TRIM33: variants seen among roughly 807,000 people sequenced by gnomAD.
TRIM33 encodes the protein tripartite motif containing 33.
In TRIM33, 20 loss-of-function variants were observed where a neutral mutation model predicts 125.4. The observed-to-expected ratio is 0.16, with a 90% CI of 0.11 to 0.23. The LOEUF (loss-of-function observed/expected upper bound fraction) is 0.23, where lower values mean the gene tolerates loss of function less well. TRIM33 is among the 10% of genes least tolerant of loss of function. TRIM33 has a pLI of 1.00. For synonymous variants in TRIM33, 564 were observed against 513.9 expected (o/e 1.10, Z -1.32); for missense variants, 920 against 1,411.4 (o/e 0.65, Z 5.58).
intron 1 of TRIM33, among the ~76,000 whole-genome samples, chr1:114,477,604 C>G (rs1045263182): frequency 1.3e-5 from 2 of 152,184 alleles, no homozygotes; most frequent in Admixed American, 6.5e-5. Context: ...GTGACACACA[C>G]TAAGTGCTCA....
chr1:114,424,726 C>A lies in TRIM33; in HGVS notation c.1725G>T (p.Met575Ile), dbSNP rs771084521. ...QPPRLISVQT[M>I]QRGNMNCGAF... Reference sequence around the variant, plus strand: ...CTCCACAGTTCATGTTGCCTCTTTGCATTGTTTGCACACTGATCAATCGAG... The same window carrying A: ...CTCCACAGTTCATGTTGCCTCTTTGAATTGTTTGCACACTGATCAATCGAG... Residue 575 changes from methionine to isoleucine, a missense_variant, in exon 10 of 20, where the codon ATG becomes ATT. By Grantham distance (10) the Met-to-Ile change is conservative. Around this residue, in one of 8 missense-constraint regions of TRIM33, gnomAD observed 407 missense variants for 589.7 expected, o/e 0.69. Transcript: ENST00000358465. The A allele has an allele frequency of 6.2e-7, 1 of 1,604,450 alleles. No individual in the cohort carries two copies. The highest frequency in any genetic ancestry group is 8.5e-7 in the Non-Finnish European group (1 of 1,175,370).
At chr1:114,410,367 T>G (rs1440316133) in intron 11 of TRIM33, 51 bp from the exon 12 acceptor site, 6 of 1,551,488 alleles carry the variant, frequency 3.9e-6, no homozygotes, top group Non-Finnish European at 5.2e-6. Flanking sequence ...AGCAGAGAAG[T>G]TATTAATTTT....
chr1:114,445,305 A>G (rs1440047139), intron 4 of TRIM33, among the ~76,000 whole-genome samples: 1 of 152,148 alleles, frequency 6.6e-6, no homozygotes, highest in African/African-American at 2.4e-5. Flanking sequence ...TGGCATGATC[A>G]CAGCTCACTG....
chr1:114,445,083 G>C (rs545258179), intron 4 of TRIM33, among the ~76,000 whole-genome samples: 175 of 152,208 alleles, frequency 1.1e-3, no homozygotes, highest in African/African-American at 3.9e-3. Context: ...CTGAAGAAAG[G>C]GTATGTGACC....
intron 1 of TRIM33, among the ~76,000 whole-genome samples, chr1:114,503,012 A>G (rs543195183): frequency 6.6e-6 from 1 of 152,356 alleles, no homozygotes; most frequent in East Asian, 1.9e-4. Flanking sequence ...GGCTTCATAC[A>G]GCTAAGTATC....
At chr1:114,460,532 G>A (rs1054257654) in intron 4 of TRIM33, among the ~76,000 whole-genome samples, 3 of 149,958 alleles carry the variant, frequency 2.0e-5, no homozygotes, top group African/African-American at 7.4e-5. Context: ...GTTTCAATTG[G>A]CATGATAATG....
chr1:114,400,254 T>C (rs1304133867), intron 17 of TRIM33, among the ~76,000 whole-genome samples: 3 of 152,158 alleles, frequency 2.0e-5, no homozygotes, highest in Non-Finnish European at 4.4e-5. Flanking sequence ...CAGGCTGGAG[T>C]GCAGTGGTGC....
At chr1:114,468,491 G>C (rs943950585) in intron 1 of TRIM33, 2 of 381,420 alleles carry the variant, frequency 5.2e-6, no homozygotes, top group Non-Finnish European at 1.0e-5. Context: ...CTGATGAAGA[G>C]AACAGTAGGG....
At chr1:114,486,970 C>A (rs751846153) in intron 1 of TRIM33, among the ~76,000 whole-genome samples, 6 of 151,670 alleles carry the variant, frequency 4.0e-5, no homozygotes, top group Non-Finnish European at 8.8e-5. Context: ...GCTTGTAGTA[C>A]CAGTTACTTG....
Position 114,408,719 on chromosome 1 carries a change from G to A in TRIM33, c.2216C>T (p.Pro739Leu). The change falls in exon 13 of 20, where the codon CCT becomes CTT. Residue 739 changes from proline (P) to leucine (L), a missense_variant. Pro to Leu is a moderately conservative substitution (Grantham distance 98, BLOSUM62 -3). This residue lies in a region of TRIM33 where 407 missense variants were observed against 589.7 expected (regional missense o/e 0.69). Transcript: ENST00000358465. ...ACTAGAAGTACTTGGGGGTCTCACAGGTGTGTGAGAATTGGATAAACCTAA... is the reference window on the plus strand; with the variant it reads ...ACTAGAAGTACTTGGGGGTCTCACAAGTGTGTGAGAATTGGATAAACCTAA... ...GSSGLSNSHT[P>L]VRPPSTSSTG... 6.2e-7 allele frequency: 1 copy of A among 1,603,200 alleles called. No individual in the cohort carries two copies. The highest frequency in any genetic ancestry group is 8.5e-7 in the Non-Finnish European group (1 of 1,173,566).
At chr1:114,418,805 A>G (rs1311678392) in intron 11 of TRIM33, among the ~76,000 whole-genome samples, 2 of 151,954 alleles carry the variant, frequency 1.3e-5, no homozygotes, top group East Asian at 3.9e-4. Context: ...GGCCCCACCC[A>G]GAAGCGATTC....
intron 1 of TRIM33, among the ~76,000 whole-genome samples, chr1:114,472,567 T>G (rs1321938973): frequency 1.3e-5 from 2 of 152,014 alleles, no homozygotes; most frequent in Non-Finnish European, 2.9e-5. Flanking sequence ...ACCCTGTCTC[T>G]ACAAAAATAA....
chr1:114,499,860 C>T (rs11102803), intron 1 of TRIM33, among the ~76,000 whole-genome samples: 53,517 of 151,900 alleles, frequency 0.35, 10,098 homozygotes, highest in African/African-American at 0.46. Context: ...ATCAGTATAC[C>T]TGAGACATTT....
intron 4 of TRIM33, among the ~76,000 whole-genome samples, chr1:114,434,587 A>G (rs1648164326): frequency 6.6e-6 from 1 of 152,232 alleles, no homozygotes; most frequent in African/African-American, 2.4e-5. Context: ...AGCTAGAATA[A>G]TAGTTTTCTT....
At chr1:114,507,137 G>A (rs1175993697) in intron 1 of TRIM33, among the ~76,000 whole-genome samples, 1 of 152,234 alleles carries the variant, frequency 6.6e-6, no homozygotes, top group Non-Finnish European at 1.5e-5. Flanking sequence ...CGACCTGGAG[G>A]ACTACTTTAA....
intron 4 of TRIM33, among the ~76,000 whole-genome samples, chr1:114,444,556 C>T (rs1373251139): frequency 6.6e-6 from 1 of 152,172 alleles, no homozygotes; most frequent in African/African-American, 2.4e-5. Flanking sequence ...CAAGCCTTGA[C>T]AAGATCGTCT....
At chr1:114,469,923 A>G (rs1352188375) in intron 1 of TRIM33, among the ~76,000 whole-genome samples, 1 of 152,242 alleles carries the variant, frequency 6.6e-6, no homozygotes, top group Non-Finnish European at 1.5e-5. Context: ...AATGGCTTAA[A>G]TCCTATAAAA....
chr1:114,480,281 T>C (rs1477261374), intron 1 of TRIM33, among the ~76,000 whole-genome samples: 1 of 151,982 alleles, frequency 6.6e-6, no homozygotes, highest in South Asian at 2.1e-4. Context: ...TTGAAGGCAG[T>C]ATGCTCCTTA....
intron 14 of TRIM33, among the ~76,000 whole-genome samples, chr1:114,406,381 C>T (rs1445314124): frequency 1.3e-5 from 2 of 152,070 alleles, no homozygotes; most frequent in Non-Finnish European, 1.5e-5. Flanking sequence ...AAAAGAAGCC[C>T]GGTCAGAAAG....
Sources: allele counts gnomAD v4.1 joint callset (sites outside exome capture counted in the v4.1 genomes callset), GRCh38; gene constraint gnomAD v4.1.1; regional missense constraint gnomAD v4.1.1; transcripts MANE v1.5; gene names NCBI Gene and HGNC (gene_info 2026-07-23, HGNC 2026-07-21).